STT3B: variants seen among roughly 807,000 people sequenced by gnomAD.
STT3B encodes dolichyl-diphosphooligosaccharide--protein glycosyltransferase subunit STT3B.
In STT3B, 29 loss-of-function variants were observed where a neutral mutation model predicts 96.8. The observed-to-expected ratio is 0.30, with a 90% CI of 0.22 to 0.41. The LOEUF is 0.41. Ranked by LOEUF, STT3B falls within the 10% of genes least tolerant of loss-of-function variation. The pLI, the probability that STT3B is intolerant of heterozygous loss-of-function variation, is 1.00. For synonymous variants in STT3B, 367 were observed against 360.0 expected (o/e 1.02, Z -0.22); for missense variants, 640 against 1,022.3 (o/e 0.63, Z 5.10).
chr3:31,564,409 C>G (rs1418979264), intron 1 of STT3B, among the ~76,000 whole-genome samples: 1 of 152,150 alleles, frequency 6.6e-6, no homozygotes, highest in African/African-American at 2.4e-5. Context: ...GAAATAGACC[C>G]CTGGCTTTGC....
intron 15 of STT3B, among the ~76,000 whole-genome samples, chr3:31,634,295 C>G (rs1699719083): frequency 6.6e-6 from 1 of 152,142 alleles, no homozygotes; most frequent in African/African-American, 2.4e-5. Context: ...CCTAAGATAT[C>G]CAAGTATAAC....
intron 1 of STT3B, among the ~76,000 whole-genome samples, chr3:31,562,523 G>A (rs991810393): frequency 7.9e-5 from 12 of 152,310 alleles, no homozygotes; most frequent in East Asian, 1.9e-4. Context: ...GTAGGCAAGG[G>A]AGGGGTGATC....
chr3:31,618,008 T>C lies in STT3B; in HGVS notation c.1172+20T>C, dbSNP rs745874211. ...TACTGGGTAAGTACAGTTACATTAT[T>C]TGGCATCATATTTATTGAAATACTG... On this transcript the variant is annotated intron_variant, in intron 8 of 15. Transcript: ENST00000295770. 38 of 1,529,972 alleles carry C rather than the reference T, an allele frequency of 2.5e-5. No individual in the cohort carries two copies. Among genetic ancestry groups the C allele is most frequent in the Non-Finnish European group, 3.1e-5 (34 of 1,104,610 alleles). The allele number at this position is 1,529,972 out of a possible 1,614,324, so 94.8% of individuals were successfully genotyped here.
intron 1 of STT3B, among the ~76,000 whole-genome samples, chr3:31,551,513 G>A (rs1400382229): frequency 6.6e-6 from 1 of 152,086 alleles, no homozygotes; most frequent in Non-Finnish European, 1.5e-5. Flanking sequence ...CACTGTGCCT[G>A]GCCTCTTTCC....
intron 8 of STT3B, among the ~76,000 whole-genome samples, chr3:31,618,945 T>C (rs752529210): frequency 6.6e-6 from 1 of 152,034 alleles, no homozygotes; most frequent in Non-Finnish European, 1.5e-5. Flanking sequence ...TATTATAATA[T>C]AACTTGTGCA....
intron 3 of STT3B, among the ~76,000 whole-genome samples, chr3:31,582,359 G>A (rs11707409): frequency 0.035 from 5,213 of 148,862 alleles, 115 homozygotes; most frequent in Non-Finnish European, 0.051. Context: ...GTGCAGTGGC[G>A]CAGTCGGCTC....
chr3:31,586,304 G>A (rs1270551898), intron 3 of STT3B, among the ~76,000 whole-genome samples: 1 of 124,890 alleles, frequency 8.0e-6, no homozygotes, highest in Non-Finnish European at 1.7e-5. Flanking sequence ...CTCTTGAGGT[G>A]TGAGAGTTCT....
At chr3:31,587,452 C>T (rs1239446833) in intron 3 of STT3B, among the ~76,000 whole-genome samples, 2 of 152,000 alleles carry the variant, frequency 1.3e-5, no homozygotes, top group African/African-American at 4.8e-5. Context: ...TTATATTGCT[C>T]AGGCTGGTCT....
At chr3:31,544,653 G>C in intron 1 of STT3B, among the ~76,000 whole-genome samples, 1 of 152,294 alleles carries the variant, frequency 6.6e-6, no homozygotes, top group Middle Eastern at 3.4e-3. Flanking sequence ...AGCAGGGTTT[G>C]TTGAAGACAT....
At chr3:31,542,907 A>G (rs1697313802) in intron 1 of STT3B, among the ~76,000 whole-genome samples, 1 of 151,922 alleles carries the variant, frequency 6.6e-6, no homozygotes, top group Non-Finnish European at 1.5e-5. Flanking sequence ...TCTCTACTAA[A>G]CTACAAAAAT....
chr3:31,587,071 C>T (rs968260808), intron 3 of STT3B, among the ~76,000 whole-genome samples: 1 of 152,028 alleles, frequency 6.6e-6, no homozygotes, highest in African/African-American at 2.4e-5. Flanking sequence ...AGGTTAGTGA[C>T]TTGATCTATT....
rs760449210 is a variant in STT3B, at chr3:31,597,843, A to AT, written c.777+990dup. Among the ~76,000 whole-genome samples the AT allele has an allele frequency of 4.1e-3, 604 of 148,530 alleles. 8 individuals are homozygous for AT. Among genetic ancestry groups the AT allele is most frequent in the East Asian group, 0.032 (158 of 5,008 alleles). On this transcript the variant is annotated intron_variant, in intron 4 of 15. Coordinates refer to ENST00000295770, the MANE Select transcript of STT3B (RefSeq NM_178862.3). ...ATTTTATTTCATTATTATTATTATTATTTTTTTTTTGAGACAGAGTCTGGC... is the reference window on the plus strand; with the variant it reads ...ATTTTATTTCATTATTATTATTATTATTTTTTTTTTTGAGACAGAGTCTGGC...
At chr3:31,544,730 A>C (rs1273644285) in intron 1 of STT3B, among the ~76,000 whole-genome samples, 3 of 152,204 alleles carry the variant, frequency 2.0e-5, no homozygotes, top group Non-Finnish European at 4.4e-5. Context: ...TGGGAGGCCG[A>C]GATAGGCGGA....
intron 1 of STT3B, among the ~76,000 whole-genome samples, chr3:31,559,149 GTGTGT>G (rs1559365158): frequency 0.05 from 1,329 of 26,636 alleles, 32 homozygotes; most frequent in African/African-American, 0.15. Context: ...TTCTTGGGGT[GTGTGT>G]GTGTGTGTGT....
At chr3:31,609,569 C>G (rs1221118952) in intron 5 of STT3B, among the ~76,000 whole-genome samples, 1 of 151,928 alleles carries the variant, frequency 6.6e-6, no homozygotes, top group Non-Finnish European at 1.5e-5. Flanking sequence ...GATACACTTG[C>G]TGAGTTTGTT....
intron 1 of STT3B, among the ~76,000 whole-genome samples, chr3:31,568,287 A>G (rs1438164010): frequency 6.6e-6 from 1 of 152,154 alleles, no homozygotes; most frequent in Non-Finnish European, 1.5e-5. Flanking sequence ...GTTGCTTCCA[A>G]ATCTTGGCTA....
chr3:31,616,992 A>C lies in STT3B; in HGVS notation c.1040A>C (p.Gln347Pro). Residue 347 changes from glutamine to proline, a missense_variant, in exon 7 of 16, where the codon CAA (glutamine) becomes CCA (proline). By Grantham distance (76) the Gln-to-Pro change is moderately conservative. Around this residue, in one of 8 missense-constraint regions of STT3B, gnomAD observed 267 missense variants for 388.3 expected, o/e 0.69. Coordinates refer to ENST00000295770, the MANE Select transcript of STT3B (RefSeq NM_178862.3). Reference sequence around the variant, plus strand: ...TATCTGAGAGACCGATTAACAAAACAAGAGTTCCAGACCCTTTTCTTTTTG... The same window carrying C: ...TATCTGAGAGACCGATTAACAAAACCAGAGTTCCAGACCCTTTTCTTTTTG... Reference protein sequence around the residue: ...LQYLRDRLTKQEFQTLFFLGV... With the variant: ...LQYLRDRLTKPEFQTLFFLGV... 1 of 1,612,168 alleles carries C rather than the reference A, an allele frequency of 6.2e-7. No individual in the cohort carries two copies. Among genetic ancestry groups the C allele is most frequent in the Non-Finnish European group, 8.5e-7 (1 of 1,178,516 alleles).
chr3:31,580,161 C>T, intron 3 of STT3B, 65 bp downstream of exon 3: 1 of 1,498,668 alleles, frequency 6.7e-7, no homozygotes, highest in Non-Finnish European at 9.1e-7. Context: ...ACACTTTAGG[C>T]TGTACGCAGA....
chr3:31,561,297 G>A (rs767919477), intron 1 of STT3B, among the ~76,000 whole-genome samples: 38 of 150,666 alleles, frequency 2.5e-4, no homozygotes, highest in Non-Finnish European at 4.4e-4. Flanking sequence ...AAATTTTATG[G>A]GTACATGATA....
Sources: gnomAD v4.1 joint callset for allele counts (sites outside exome capture counted in the v4.1 genomes callset) on GRCh38, gnomAD v4.1.1 for gene constraint, gnomAD v4.1.1 regional missense constraint, MANE v1.5 for transcripts, NCBI Gene and HGNC (gene_info 2026-07-23, HGNC 2026-07-21) for gene names.